Variants in TAF4B observed in about 807,000 individuals in gnomAD.
The protein encoded by TAF4B is TATA-box binding protein associated factor 4b, also known as transcription initiation factor TFIID subunit 4B.
Under a neutral mutation model 86.4 loss-of-function variants are expected in TAF4B, and 38 were observed. That is an observed-to-expected ratio of 0.44 (90% CI 0.34 to 0.58). The LOEUF is 0.58. TAF4B is among the 20% of genes least tolerant of loss of function. The pLI, the probability that TAF4B is intolerant of heterozygous loss-of-function variation, is 0.02. For synonymous variants in TAF4B, 388 were observed against 391.2 expected (o/e 0.99, Z 0.10); for missense variants, 988 against 1,027.6 (o/e 0.96, Z 0.53).
At chr18:26,315,736 T>C (rs373637492) in intron 10 of TAF4B, among the ~76,000 whole-genome samples, 14 of 152,300 alleles carry the variant, frequency 9.2e-5, no homozygotes, top group East Asian at 5.8e-4. Flanking sequence ...TGCACACTTA[T>C]GTTACATGTT....
rs970892028 is a variant in TAF4B at position 26,286,506 on chromosome 18, A to G, written c.1590+7A>G. ...AGTTCAAGTCAAGCAACTAGTGAGT[A>G]ACATTTTGTTTCTTCCCCAGTTACT... On this transcript the variant is annotated splice_region_variant and intron_variant, in intron 7 of 14. Coordinates refer to ENST00000269142, the MANE Select transcript of TAF4B (RefSeq NM_005640.3). 6.3e-6 allele frequency: 10 copies of G among 1,582,006 alleles called. No individual in the cohort carries two copies. The highest frequency in any genetic ancestry group is 1.9e-5 in the Admixed American group (1 of 51,834).
intron 10 of TAF4B, among the ~76,000 whole-genome samples, chr18:26,318,082 G>A (rs905646409): frequency 1.3e-5 from 2 of 152,102 alleles, no homozygotes; most frequent in African/African-American, 4.8e-5. Flanking sequence ...GCCCAGGCTG[G>A]AGTACAGTGG....
At chr18:26,380,184 C>A (rs1486813720) in intron 14 of TAF4B, among the ~76,000 whole-genome samples, 2 of 152,108 alleles carry the variant, frequency 1.3e-5, no homozygotes, top group Non-Finnish European at 2.9e-5. Flanking sequence ...TTCCCCATTA[C>A]TATGTTTAAT....
At chr18:26,287,964 C>T (rs549030176) in intron 7 of TAF4B, among the ~76,000 whole-genome samples, 1 of 152,288 alleles carries the variant, frequency 6.6e-6, no homozygotes, top group Non-Finnish European at 1.5e-5. Context: ...AATGTAACTG[C>T]CTTGCAGGAT....
In TAF4B at chr18:26,389,883, C is replaced by T. The variant is rs750280440; in HGVS notation, c.2460C>T (p.Ser820=). ...ACCTTCTTGCTTCTGGGACATCCAGCCTGACAGCCACCAAACAGTTGCATC... is the reference window on the plus strand; with the variant it reads ...ACCTTCTTGCTTCTGGGACATCCAGTCTGACAGCCACCAAACAGTTGCATC... ...KDNLLASGTS[S]LTATKQLHRP... The change falls in exon 15 of 15, where the codon AGC becomes AGT. Residue 820 remains serine, a synonymous_variant. Coordinates refer to ENST00000269142, the MANE Select transcript of TAF4B (RefSeq NM_005640.3). 3.0e-5 allele frequency: 48 copies of T among 1,613,856 alleles called. No individual in the cohort carries two copies. In the Admixed American group the frequency reaches 7.3e-4, roughly 25 times the overall value.
chr18:26,309,286 T>C (rs2056830965), intron 9 of TAF4B, among the ~76,000 whole-genome samples: 1 of 119,074 alleles, frequency 8.4e-6, no homozygotes, highest in Non-Finnish European at 1.7e-5. Context: ...TTTTTGCCAA[T>C]GATAAAGTTG....
intron 14 of TAF4B, among the ~76,000 whole-genome samples, chr18:26,384,922 A>G (rs571964392): frequency 6.6e-6 from 1 of 152,092 alleles, no homozygotes; most frequent in Non-Finnish European, 1.5e-5. Flanking sequence ...AGTTCTGTAT[A>G]TCTTATGCCG....
intron 14 of TAF4B, among the ~76,000 whole-genome samples, chr18:26,370,813 A>T (rs889116660): frequency 1.3e-5 from 2 of 152,208 alleles, no homozygotes; most frequent in African/African-American, 2.4e-5. Context: ...GAAGGCTAGG[A>T]GTGGCTTTAA....
At chr18:26,234,257 C>T (rs148478747) in intron 1 of TAF4B, among the ~76,000 whole-genome samples, 3 of 152,144 alleles carry the variant, frequency 2.0e-5, no homozygotes, top group East Asian at 1.9e-4. Context: ...GTCTGCCTGA[C>T]GGTTTCCTTC....
rs563138557 is a variant in TAF4B, at chr18:26,246,151, CATT to C, written c.343+18877_343+18879del. On this transcript the variant is annotated intron_variant, in intron 1 of 14. Transcript: ENST00000269142. The stretch of plus-strand genomic sequence containing the variant: ...GGAATCTAAGAAGTCATTTTTCAGA[CATT>C]AATTAATGGTAAGAATATATGAGCA... Among the ~76,000 whole-genome samples the C allele has an allele frequency of 1.7e-4, 26 of 152,178 alleles. No individual in the cohort carries two copies. In the South Asian group the frequency reaches 5.2e-3, roughly 30 times the overall value.
At chr18:26,296,266 T>C (rs2056660886) in intron 9 of TAF4B, among the ~76,000 whole-genome samples, 1 of 152,172 alleles carries the variant, frequency 6.6e-6, no homozygotes, top group South Asian at 2.1e-4. Flanking sequence ...TGCTTCTCCC[T>C]CTCCTTTTTG....
intron 13 of TAF4B, among the ~76,000 whole-genome samples, chr18:26,356,581 T>C (rs1362237897): frequency 2.0e-5 from 3 of 152,180 alleles, no homozygotes; most frequent in Non-Finnish European, 4.4e-5. Flanking sequence ...TCAGTACATG[T>C]ATAGGGTTTC....
At chr18:26,306,555 A>C (rs543860139) in intron 9 of TAF4B, among the ~76,000 whole-genome samples, 71 of 152,328 alleles carry the variant, frequency 4.7e-4, no homozygotes, top group Non-Finnish European at 9.6e-4. Context: ...CATAATAGGC[A>C]TTCAAATATT....
At chr18:26,313,687 A>G (rs966550111) in intron 9 of TAF4B, among the ~76,000 whole-genome samples, 5 of 151,128 alleles carry the variant, frequency 3.3e-5, no homozygotes, top group Non-Finnish European at 7.4e-5. Flanking sequence ...TTTTTTAAAC[A>G]CAGGGTCTCA....
At chr18:26,376,309 A>C (rs1184520346) in intron 14 of TAF4B, among the ~76,000 whole-genome samples, 1 of 151,450 alleles carries the variant, frequency 6.6e-6, no homozygotes, top group Non-Finnish European at 1.5e-5. Flanking sequence ...TTGCCAACTC[A>C]GCAATATTAA....
intron 9 of TAF4B, among the ~76,000 whole-genome samples, chr18:26,303,090 A>G: frequency 2.2e-5 from 1 of 45,964 alleles, no homozygotes; most frequent in Non-Finnish European, 4.0e-5. Flanking sequence ...CTCCACTTTC[A>G]TACTCCCTCC....
At chr18:26,286,567 A>C (rs1158780939) in intron 7 of TAF4B, 68 bp downstream of exon 7, 4 of 1,503,836 alleles carry the variant, frequency 2.7e-6, no homozygotes. Flanking sequence ...AAAACTGGTA[A>C]GACTAGTAGA....
chr18:26,262,559 C>T (rs1482917514), intron 1 of TAF4B, among the ~76,000 whole-genome samples: 2 of 151,732 alleles, frequency 1.3e-5, no homozygotes, highest in African/African-American at 2.4e-5. Flanking sequence ...ACTGTAACCA[C>T]CACCTCCCAG....
At chr18:26,295,777 A>G (rs531689546) in intron 9 of TAF4B, among the ~76,000 whole-genome samples, 1 of 151,926 alleles carries the variant, frequency 6.6e-6, no homozygotes, top group Non-Finnish European at 1.5e-5. Flanking sequence ...ATGTTGCCCC[A>G]TTGTTGTCTT....
Sources: allele counts gnomAD v4.1 joint callset (sites outside exome capture counted in the v4.1 genomes callset), GRCh38; gene constraint gnomAD v4.1.1; transcripts MANE v1.5; gene names NCBI Gene and HGNC (gene_info 2026-07-23, HGNC 2026-07-21).